BMP8A: variants seen among roughly 807,000 people sequenced by gnomAD.
The protein encoded by BMP8A is BMP-8A.
In BMP8A, 14 loss-of-function variants were observed where a neutral mutation model predicts 36.8. That is an observed-to-expected ratio of 0.38 (90% confidence interval 0.25 to 0.60). BMP8A has a LOEUF of 0.60. BMP8A is among the 20% of genes least tolerant of loss of function. The pLI is 0.63. For synonymous variants in BMP8A, 120 were observed against 237.7 expected (o/e 0.50, Z 4.55); for missense variants, 267 against 551.1 (o/e 0.48, Z 5.16).
intron 1 of BMP8A, among the ~76,000 whole-genome samples, chr1:39,507,184 C>T (rs537135738): frequency 7.2e-5 from 11 of 152,174 alleles, no homozygotes; most frequent in East Asian, 1.9e-4. Flanking sequence ...CTCAGATGAT[C>T]GGGATCAGGA....
At chr1:39,513,811 G>A (rs549630670) in intron 3 of BMP8A, among the ~76,000 whole-genome samples, 54 of 150,306 alleles carry the variant, frequency 3.6e-4, no homozygotes, top group African/African-American at 1.2e-3. Flanking sequence ...GGGAAGGAGG[G>A]TAGTGATGGA....
chr1:39,501,615 T>A (rs1387363180), intron 1 of BMP8A, among the ~76,000 whole-genome samples: 1 of 152,160 alleles, frequency 6.6e-6, no homozygotes, highest in Admixed American at 6.5e-5. Context: ...CACTGCAACC[T>A]CTGATGCCTG....
intron 3 of BMP8A, among the ~76,000 whole-genome samples, chr1:39,514,439 A>C (rs1490666142): frequency 6.6e-6 from 1 of 150,670 alleles, no homozygotes; most frequent in Non-Finnish European, 1.5e-5. Flanking sequence ...TGAGGGGTGA[A>C]CCTGAGCTCT....
At chr1:39,505,734 C>T (rs1645295216) in intron 1 of BMP8A, among the ~76,000 whole-genome samples, 1 of 152,152 alleles carries the variant, frequency 6.6e-6, no homozygotes, top group Non-Finnish European at 1.5e-5. Context: ...GTAATCTCAG[C>T]ACTCTGGAAG....
intron 3 of BMP8A, among the ~76,000 whole-genome samples, chr1:39,514,793 C>G (rs1645382500): frequency 6.6e-6 from 1 of 152,334 alleles, no homozygotes; most frequent in South Asian, 2.1e-4. Context: ...CGGCCCCCTC[C>G]CTGTTGCGGG....
intron 1 of BMP8A, among the ~76,000 whole-genome samples, chr1:39,500,685 C>A (rs912659463): frequency 5.3e-5 from 8 of 151,896 alleles, no homozygotes; most frequent in African/African-American, 1.7e-4. Context: ...CGGAGTCTTG[C>A]TCTGTCACCC....
rs866616410 is a variant in BMP8A at position 39,529,820 on chromosome 1, T to C, written c.*4022T>C. 2.0e-5 allele frequency among the ~76,000 whole-genome samples: 3 copies of C among 152,338 alleles called. No individual in the cohort carries two copies. The highest frequency in any genetic ancestry group is 3.4e-3 in the Middle Eastern group (1 of 294). The stretch of plus-strand genomic sequence containing the variant: ...GCTTGGTGATCGGATCTATTCAATG[T>C]ACAAAATATTTTGAAAGTTTCTGTG... On this transcript the variant is annotated 3_prime_UTR_variant, in exon 7 of 7. Transcript: ENST00000331593.
intron 1 of BMP8A, among the ~76,000 whole-genome samples, chr1:39,505,755 G>A (rs757733155): frequency 2.6e-5 from 4 of 152,174 alleles, no homozygotes; most frequent in African/African-American, 4.8e-5. Context: ...GCCAAGGCAA[G>A]AGGACTGCTT....
Position 39,492,147 on chromosome 1 carries a change from C to T in BMP8A, c.156C>T (p.Leu52=), listed in dbSNP as rs1313366604. ...TGCAGCGCGAGATCCTGGCGGTGCTCGGGCTACCCGGGCGGCCCCGGCCCC... is the reference window on the plus strand; with the variant it reads ...TGCAGCGCGAGATCCTGGCGGTGCTTGGGCTACCCGGGCGGCCCCGGCCCC... ...RDVQREILAV[L]GLPGRPRPRA... Residue 52 remains leucine (L), a synonymous_variant, in exon 1 of 7, where the codon CTC becomes CTT. Transcript: ENST00000331593. 2 of 1,266,474 alleles carry T rather than the reference C, an allele frequency of 1.6e-6. No homozygotes were observed. The highest frequency in any genetic ancestry group is 2.0e-6 in the Non-Finnish European group (2 of 1,012,310). The allele number at this position is 1,266,474 out of a possible 1,614,324, so 78.5% of individuals were successfully genotyped here.
chr1:39,523,537 G>A (rs1385423768), intron 6 of BMP8A: 30 of 1,382,808 alleles, frequency 2.2e-5, no homozygotes, highest in Admixed American at 6.7e-5. Flanking sequence ...CACAGTGTGT[G>A]GGGTGTGCGT....
chr1:39,508,534 G>A (rs746138576), intron 1 of BMP8A, among the ~76,000 whole-genome samples: 61 of 152,238 alleles, frequency 4.0e-4, no homozygotes, highest in Non-Finnish European at 8.2e-4. Flanking sequence ...ACTGGGACCA[G>A]GAGCCCAGTT....
intron 3 of BMP8A, among the ~76,000 whole-genome samples, chr1:39,517,059 T>C (rs1158981334): frequency 1.3e-5 from 2 of 152,036 alleles, no homozygotes; most frequent in African/African-American, 4.8e-5. Flanking sequence ...AATGCAGTGA[T>C]CTCACTGCAA....
At chr1:39,517,634 C>T (rs139338086) in intron 3 of BMP8A, among the ~76,000 whole-genome samples, 1,794 of 151,910 alleles carry the variant, frequency 0.012, no homozygotes, top group African/African-American at 0.041. Flanking sequence ...CGTTTTTATC[C>T]GTTATCTGGT....
rs372440598 is a variant in BMP8A, at chr1:39,523,153, G to A, written c.1059+36G>A. On this transcript the variant is annotated intron_variant, in intron 6 of 6. Coordinates refer to ENST00000331593, the MANE Select transcript of BMP8A (RefSeq NM_181809.4). The stretch of plus-strand genomic sequence containing the variant: ...TGCCCATCCTGCCCAGCCCCCTGGG[G>A]TGGGAGGCCCTGCAGAGAGGGGTCT... The A allele has an allele frequency of 1.9e-6, 3 of 1,604,950 alleles. No homozygotes were observed. The East Asian group carries it at 6.7e-5, about 36-fold the overall frequency.
In BMP8A at chr1:39,517,398, C is replaced by T. The variant is rs1645401798; in HGVS notation, c.674-3978C>T. 2.0e-5 allele frequency among the ~76,000 whole-genome samples: 3 copies of T among 151,856 alleles called. No individual in the cohort carries two copies. In the South Asian group the frequency reaches 6.2e-4, roughly 31 times the overall value. On this transcript the variant is annotated intron_variant, in intron 3 of 6. Coordinates refer to ENST00000331593, the MANE Select transcript of BMP8A (RefSeq NM_181809.4). ...TGGTCCAGTCTCAGCTCACTGCAACCCCTGCTTCCTGGGTTCAAGCAATTC... is the reference window on the plus strand; with the variant it reads ...TGGTCCAGTCTCAGCTCACTGCAACTCCTGCTTCCTGGGTTCAAGCAATTC...
chr1:39,494,140 C>T (rs1412262081), intron 1 of BMP8A, among the ~76,000 whole-genome samples: 1 of 152,212 alleles, frequency 6.6e-6, no homozygotes, highest in African/African-American at 2.4e-5. Context: ...TGAACCTGGA[C>T]CTGGGCACTG....
In BMP8A at chr1:39,528,215, G is replaced by A. The variant is rs1645503044; in HGVS notation, c.*2417G>A. 6.6e-6 allele frequency among the ~76,000 whole-genome samples: 1 copy of A among 152,152 alleles called. No homozygotes were observed. Among genetic ancestry groups the A allele is most frequent in the Non-Finnish European group, 1.5e-5 (1 of 68,036 alleles). ...GCAAAGCACAAAGTGTGACAGTCGT[G>A]GCCTTCCTGGTGGCCAGACTTCTAG... On this transcript the variant is annotated 3_prime_UTR_variant, in exon 7 of 7. Transcript: ENST00000331593.
intron 1 of BMP8A, among the ~76,000 whole-genome samples, chr1:39,501,162 CCT>C (rs1645250665): frequency 6.6e-6 from 1 of 152,146 alleles, no homozygotes; most frequent in Admixed American, 6.5e-5. Flanking sequence ...AATCCATTCC[CCT>C]GAGAGGGAAA....
At chr1:39,496,849 A>T (rs4660792) in intron 1 of BMP8A, among the ~76,000 whole-genome samples, 115,993 of 152,122 alleles carry the variant, frequency 0.76, 46,985 homozygotes, top group Non-Finnish European at 0.9. Flanking sequence ...GTTGTTAAAG[A>T]ATTTTTATTT....
Sources: gnomAD v4.1 joint callset for allele counts (sites outside exome capture counted in the v4.1 genomes callset) on GRCh38, gnomAD v4.1.1 for gene constraint, MANE v1.5 for transcripts, NCBI Gene and HGNC (gene_info 2026-07-23, HGNC 2026-07-21) for gene names.